Variants in GNAQ observed in about 807,000 individuals in gnomAD.
The protein encoded by GNAQ is guanine nucleotide-binding protein G(q) subunit alpha.
Under a neutral mutation model 43.9 loss-of-function variants are expected in GNAQ, and 8 were observed. The observed-to-expected ratio is 0.18, with a 90% confidence interval of 0.11 to 0.33. The LOEUF (loss-of-function observed/expected upper bound fraction) is 0.33, where lower values mean the gene tolerates loss of function less well. Among genes scored for constraint, GNAQ ranks in the 10% least tolerant of loss-of-function variants. The probability of loss-of-function intolerance (pLI) is 1.00; values close to 1 mark genes in which losing one functional copy is unlikely to be tolerated. For missense variants in GNAQ, 158 were observed against 450.8 expected, an observed-to-expected ratio of 0.35 and a Z score of 5.88; for synonymous variants, 155 against 170.7, an observed-to-expected ratio of 0.91 and a Z score of 0.71.
At chr9:77,881,023 A>G (rs1398447072) in intron 2 of GNAQ, among the ~76,000 whole-genome samples, 1 of 152,200 alleles carries the variant, frequency 6.6e-6, no homozygotes, top group Admixed American at 6.5e-5. Context: ...CATAGGAGTT[A>G]GCATGCTCCC....
chr9:77,839,273 TG>T (rs1827444365), intron 2 of GNAQ, among the ~76,000 whole-genome samples: 1 of 152,182 alleles, frequency 6.6e-6, no homozygotes, highest in African/African-American at 2.4e-5. Flanking sequence ...TACAGTAAAA[TG>T]GGATGGCCAT....
chr9:77,724,854 T>C (rs190383872), intron 6 of GNAQ, among the ~76,000 whole-genome samples: 96 of 152,196 alleles, frequency 6.3e-4, no homozygotes, highest in Non-Finnish European at 2.8e-4. Flanking sequence ...TTAAAAACAA[T>C]ATGTAAAGTA....
chr9:77,898,278 T>C (rs749572), intron 2 of GNAQ, among the ~76,000 whole-genome samples: 5,046 of 152,332 alleles, frequency 0.033, 126 homozygotes, highest in Non-Finnish European at 0.047. Context: ...TTTTGGGCTC[T>C]TGGGTGACAG....
chr9:77,820,662 C>A (rs1827098754), intron 2 of GNAQ, among the ~76,000 whole-genome samples: 1 of 152,142 alleles, frequency 6.6e-6, no homozygotes, highest in South Asian at 2.1e-4. Context: ...CTTCCATGTC[C>A]TTCTTAAACT....
intron 2 of GNAQ, among the ~76,000 whole-genome samples, chr9:77,855,489 T>C (rs1177086638): frequency 3.9e-5 from 6 of 152,194 alleles, no homozygotes; most frequent in African/African-American, 1.2e-4. Flanking sequence ...GGTATATCTA[T>C]ATTACTAGCC....
chr9:77,854,142 T>C (rs974860841), intron 2 of GNAQ, among the ~76,000 whole-genome samples: 3 of 152,240 alleles, frequency 2.0e-5, no homozygotes, highest in African/African-American at 4.8e-5. Context: ...AAGTACATAA[T>C]ATAGAGGACT....
intron 2 of GNAQ, among the ~76,000 whole-genome samples, chr9:77,869,630 T>C (rs1468356543): frequency 1.3e-5 from 2 of 152,216 alleles, no homozygotes; most frequent in Admixed American, 6.5e-5. Context: ...TAGTCTCAAA[T>C]GCTTCTAGGA....
chr9:77,782,782 C>A (rs1826414840), intron 5 of GNAQ, among the ~76,000 whole-genome samples: 1 of 152,206 alleles, frequency 6.6e-6, no homozygotes, highest in Non-Finnish European at 1.5e-5. Flanking sequence ...AATTGTATTA[C>A]ATCTAGACAA....
chr9:77,868,455 TGAC>T (rs1329440177), intron 2 of GNAQ, among the ~76,000 whole-genome samples: 1 of 152,208 alleles, frequency 6.6e-6, no homozygotes, highest in African/African-American at 2.4e-5. Flanking sequence ...TCTGGAATGA[TGAC>T]ATTTCCCAAA....
Position 77,925,316 on chromosome 9 carries a change from T to C in GNAQ, c.137-2971A>G, listed in dbSNP as rs968121348. Among the ~76,000 whole-genome samples, 3 of 152,306 alleles carry C rather than the reference T, an allele frequency of 2.0e-5. No individual in the cohort carries two copies. The South Asian group carries it at 6.2e-4, about 32-fold the overall frequency. Reference sequence around the variant, plus strand: ...CTCTGTCCTGTTCTCTATAAATCTTTTATTTATAAAGTGTTTTCTATTCAG... The same window carrying C: ...CTCTGTCCTGTTCTCTATAAATCTTCTATTTATAAAGTGTTTTCTATTCAG... On this transcript the variant is annotated intron_variant, in intron 1 of 6. Transcript: ENST00000286548.
intron 1 of GNAQ, among the ~76,000 whole-genome samples, chr9:77,989,168 TTTTA>T (rs1823478865): frequency 6.6e-6 from 1 of 152,176 alleles, no homozygotes; most frequent in Non-Finnish European, 1.5e-5. Flanking sequence ...AAACCAAATG[TTTTA>T]TTTGACAGAC....
chr9:77,838,712 C>G (rs774122552), intron 2 of GNAQ, among the ~76,000 whole-genome samples: 8 of 152,056 alleles, frequency 5.3e-5, no homozygotes, highest in Non-Finnish European at 1.0e-4. Flanking sequence ...GCCACCGTGC[C>G]CGGCCACAAG....
intron 5 of GNAQ, among the ~76,000 whole-genome samples, chr9:77,744,810 T>G (rs1564097433): frequency 6.6e-6 from 1 of 152,178 alleles, no homozygotes; most frequent in African/African-American, 2.4e-5. Context: ...CAGGGCAACT[T>G]GGATTTAAAT....
At chr9:77,722,129 A>G (rs1229250300) in intron 6 of GNAQ, among the ~76,000 whole-genome samples, 1 of 151,218 alleles carries the variant, frequency 6.6e-6, no homozygotes, top group South Asian at 2.1e-4. Flanking sequence ...CAATTGGTTT[A>G]TATTTTCTTT....
chr9:77,794,570 T>G lies in GNAQ; in HGVS notation c.628A>C (p.Arg210=), dbSNP rs2118444295. The G allele has an allele frequency of 1.9e-6, 3 of 1,606,870 alleles. No individual in the cohort carries two copies. The highest frequency in any genetic ancestry group is 1.7e-6 in the Non-Finnish European group (2 of 1,174,406). ...IFRMVDVGGQ[R]SERRKWIHCF... ...TGTATCCATTTTCTTCTCTCTGACCTTTGGCCCCCTACATCGACCATTCTG... is the reference window on the plus strand; with the variant it reads ...TGTATCCATTTTCTTCTCTCTGACCGTTGGCCCCCTACATCGACCATTCTG... Residue 210 remains arginine, a synonymous_variant, in exon 5 of 7, where the codon AGG becomes CGG. Coordinates refer to ENST00000286548, the MANE Select transcript of GNAQ (RefSeq NM_002072.5).
chr9:77,907,168 C>T (rs1828723168), intron 2 of GNAQ, among the ~76,000 whole-genome samples: 1 of 152,168 alleles, frequency 6.6e-6, no homozygotes, highest in South Asian at 2.1e-4. Flanking sequence ...TTTTCTGCTG[C>T]ATAAGCTTTC....
At chr9:77,934,182 C>G (rs529386466) in intron 1 of GNAQ, among the ~76,000 whole-genome samples, 132 of 152,122 alleles carry the variant, frequency 8.7e-4, no homozygotes, top group African/African-American at 3.1e-3. Flanking sequence ...GACAACGATC[C>G]GCACATAGCC....
At chr9:77,749,870 C>A (rs1437921252) in intron 5 of GNAQ, among the ~76,000 whole-genome samples, 1 of 152,098 alleles carries the variant, frequency 6.6e-6, no homozygotes. Context: ...GATTTTACGA[C>A]CCAGTAAATG....
chr9:77,822,699 C>T (rs1282483580), intron 2 of GNAQ, among the ~76,000 whole-genome samples: 1 of 149,374 alleles, frequency 6.7e-6, no homozygotes, highest in Non-Finnish European at 1.5e-5. Context: ...CTTTCTGGAA[C>T]ATCCCATGTG....
Sources: allele counts gnomAD v4.1 joint callset (sites outside exome capture counted in the v4.1 genomes callset), GRCh38; gene constraint gnomAD v4.1.1; transcripts MANE v1.5; gene names NCBI Gene and HGNC (gene_info 2026-07-23, HGNC 2026-07-21).